The following LRRC4C variants were observed in gnomAD, a reference collection of about 807,000 sequenced individuals.
LRRC4C encodes the protein leucine rich repeat containing 4C, also known as leucine-rich repeat-containing protein 4C.
Under a neutral mutation model 33.6 loss-of-function variants are expected in LRRC4C, and 5 were observed. That is an observed-to-expected ratio of 0.15 (90% CI 0.08 to 0.31). LRRC4C has a LOEUF of 0.31. LRRC4C is among the 10% of genes least tolerant of loss of function. The probability of loss-of-function intolerance (pLI) is 1.00; values close to 1 mark genes in which losing one functional copy is unlikely to be tolerated. For missense variants in LRRC4C, 560 were observed against 796.7 expected, an observed-to-expected ratio of 0.70 and a Z score of 3.58; for synonymous variants, 329 against 302.0, an observed-to-expected ratio of 1.09 and a Z score of -0.93.
At chr11:40,135,804 C>A (rs1304201689) in intron 6 of LRRC4C, among the ~76,000 whole-genome samples, 1 of 152,108 alleles carries the variant, frequency 6.6e-6, no homozygotes, top group East Asian at 1.9e-4. Flanking sequence ...CTTTCCATAC[C>A]CATCTGTAAA....
intron 2 of LRRC4C, among the ~76,000 whole-genome samples, chr11:40,822,697 AT>A (rs1951988704): frequency 6.6e-6 from 1 of 151,458 alleles, no homozygotes; most frequent in Admixed American, 6.6e-5. Flanking sequence ...CCATTTGTCT[AT>A]TTTTATTTGT....
Position 40,594,738 on chromosome 11 carries a change from G to T in LRRC4C, c.-270+53404C>A, listed in dbSNP as rs544759105. 1.4e-4 allele frequency among the ~76,000 whole-genome samples: 22 copies of T among 152,198 alleles called. No homozygotes were observed. The South Asian group carries it at 4.6e-3, about 32-fold the overall frequency. Reference sequence around the variant, plus strand: ...CATCTCTGATTTGGGACAGTTTAGGGTGTCTCCAGTCATTGAAATAAGTAC... The same window carrying T: ...CATCTCTGATTTGGGACAGTTTAGGTTGTCTCCAGTCATTGAAATAAGTAC... On this transcript the variant is annotated intron_variant, in intron 3 of 6. Coordinates refer to ENST00000528697, the MANE Select transcript of LRRC4C (RefSeq NM_001258419.2).
Position 40,696,366 on chromosome 11 carries a change from G to A in LRRC4C, c.-406-48088C>T, listed in dbSNP as rs1008001085. ...GTGTATATATATGTGGTATATATAT[G>A]AGTGTATGTATATGGTATATATATA... On this transcript the variant is annotated intron_variant, in intron 2 of 6. Coordinates refer to ENST00000528697, the MANE Select transcript of LRRC4C (RefSeq NM_001258419.2). Among the ~76,000 whole-genome samples, 37 of 142,970 alleles carry A rather than the reference G, an allele frequency of 2.6e-4. 1 individual carries two copies. The highest frequency in any genetic ancestry group is 3.8e-4 in the Non-Finnish European group (25 of 66,140). 93.8% of individuals were successfully genotyped at this position (142,970 alleles called of 152,430 possible). A position where few individuals can be genotyped will look rare whatever the true frequency, so the allele number is the denominator to read the frequency against.
chr11:40,513,496 A>G (rs1590966347), intron 3 of LRRC4C, among the ~76,000 whole-genome samples: 2 of 152,234 alleles, frequency 1.3e-5, no homozygotes, highest in Admixed American at 1.3e-4. Context: ...AGCACAGTGC[A>G]GCTGATAAGT....
intron 1 of LRRC4C, among the ~76,000 whole-genome samples, chr11:41,395,307 T>C (rs953770170): frequency 2.0e-5 from 3 of 151,956 alleles, no homozygotes; most frequent in African/African-American, 7.2e-5. Flanking sequence ...CCTAGCAAAT[T>C]TGAGCAATAA....
intron 1 of LRRC4C, among the ~76,000 whole-genome samples, chr11:41,257,272 G>GA (rs1948831856): frequency 6.6e-6 from 1 of 151,970 alleles, no homozygotes; most frequent in South Asian, 2.1e-4. Context: ...TTGGAAAGGT[G>GA]AAAAATGTGA....
At chr11:40,706,303 G>A (rs1946166310) in intron 2 of LRRC4C, among the ~76,000 whole-genome samples, 1 of 152,104 alleles carries the variant, frequency 6.6e-6, no homozygotes, top group African/African-American at 2.4e-5. Context: ...GTCCTGAATG[G>A]TATTGCCTAG....
intron 1 of LRRC4C, among the ~76,000 whole-genome samples, chr11:41,187,394 C>G (rs1296102941): frequency 6.6e-6 from 1 of 152,114 alleles, no homozygotes; most frequent in African/African-American, 2.4e-5. Context: ...AAAGAGCACA[C>G]CAGCAGACCC....
At chr11:41,261,193 G>A (rs993727238) in intron 1 of LRRC4C, among the ~76,000 whole-genome samples, 4 of 152,058 alleles carry the variant, frequency 2.6e-5, no homozygotes, top group Admixed American at 6.6e-5. Flanking sequence ...TCTGCCAGGT[G>A]AGAACACTGC....
rs568614641 is a variant in LRRC4C at position 40,795,155 on chromosome 11, T to C, written c.-407+138480A>G. ...CTCTAAAACAAGTAAAAGAACACTA[T>C]ACCAGGTAATAAAAAGCACAGGCAG... On this transcript the variant is annotated intron_variant, in intron 2 of 6. Transcript: ENST00000528697. Among the ~76,000 whole-genome samples, 17 of 152,296 alleles carry C rather than the reference T, an allele frequency of 1.1e-4. No homozygotes were observed. The South Asian group carries it at 2.3e-3, about 20-fold the overall frequency.
intron 2 of LRRC4C, among the ~76,000 whole-genome samples, chr11:40,862,199 T>C (rs902485142): frequency 6.6e-6 from 1 of 152,172 alleles, no homozygotes; most frequent in Non-Finnish European, 1.5e-5. Flanking sequence ...TTCACACTAT[T>C]CTATAGTATA....
At chr11:40,979,221 A>C (rs1054428127) in intron 1 of LRRC4C, among the ~76,000 whole-genome samples, 1 of 152,182 alleles carries the variant, frequency 6.6e-6, no homozygotes, top group Non-Finnish European at 1.5e-5. Flanking sequence ...AATTACAAAA[A>C]TATTGTCAGC....
intron 3 of LRRC4C, among the ~76,000 whole-genome samples, chr11:40,366,132 AG>A (rs1948198150): frequency 6.6e-6 from 1 of 152,040 alleles, no homozygotes. Flanking sequence ...ATTTTTCCTA[AG>A]GTCATTTCCA....
At chr11:40,957,073 A>G (rs1000209362) in intron 1 of LRRC4C, among the ~76,000 whole-genome samples, 1 of 151,796 alleles carries the variant, frequency 6.6e-6, no homozygotes, top group Admixed American at 6.6e-5. Context: ...AAAATCGGGA[A>G]TAAGACCCTT....
At chr11:41,394,090 A>G (rs1387954285) in intron 1 of LRRC4C, among the ~76,000 whole-genome samples, 1 of 151,938 alleles carries the variant, frequency 6.6e-6, no homozygotes, top group Non-Finnish European at 1.5e-5. Context: ...CCTACATTCA[A>G]AGTCTCTATC....
intron 6 of LRRC4C, among the ~76,000 whole-genome samples, chr11:40,116,877 T>TA (rs796380325): frequency 4.6e-5 from 7 of 152,096 alleles, no homozygotes; most frequent in South Asian, 2.1e-4. Context: ...GGAAGCCTTA[T>TA]AAAAAAAGTG....
chr11:41,105,650 G>T (rs1232010970), intron 1 of LRRC4C, among the ~76,000 whole-genome samples: 5 of 152,060 alleles, frequency 3.3e-5, no homozygotes, highest in Admixed American at 3.3e-4. Flanking sequence ...ATGAAGAAAG[G>T]AGAAACAAGT....
At chr11:40,997,742 G>C (rs1854084177) in intron 1 of LRRC4C, among the ~76,000 whole-genome samples, 2 of 150,714 alleles carry the variant, frequency 1.3e-5, no homozygotes, top group Non-Finnish European at 3.0e-5. Context: ...AGGATGAGGA[G>C]AGCCTTCTAG....
At chr11:40,161,152 C>T (rs1343144876) in intron 5 of LRRC4C, among the ~76,000 whole-genome samples, 1 of 152,150 alleles carries the variant, frequency 6.6e-6, no homozygotes, top group Non-Finnish European at 1.5e-5. Context: ...AATCTCTTTA[C>T]AATTACATCC....
Sources: allele counts gnomAD v4.1 joint callset (sites outside exome capture counted in the v4.1 genomes callset), GRCh38; gene constraint gnomAD v4.1.1; transcripts MANE v1.5; gene names NCBI Gene and HGNC (gene_info 2026-07-23, HGNC 2026-07-21).